The following RBFOX1 variants were observed in gnomAD, a reference collection of about 807,000 sequenced individuals.
RBFOX1 encodes the protein RNA binding protein fox-1 homolog 1.
A neutral mutation model predicts 57.7 loss-of-function variants in RBFOX1; 8 were observed. The observed-to-expected ratio is 0.14, with a 90% CI of 0.08 to 0.25. RBFOX1 has a LOEUF of 0.25. RBFOX1 is among the 10% of genes least tolerant of loss of function. The pLI is 1.00. For missense variants in RBFOX1, 611 were observed against 548.5 expected, an observed-to-expected ratio of 1.11 and a Z score of -1.14; for synonymous variants, 326 against 222.4, an observed-to-expected ratio of 1.47 and a Z score of -4.15.
At chr16:6,587,808 GA>G (rs2097651439) in intron 2 of RBFOX1, among the ~76,000 whole-genome samples, 1 of 152,164 alleles carries the variant, frequency 6.6e-6, no homozygotes, top group Non-Finnish European at 1.5e-5. Context: ...TTTCACCAAT[GA>G]TTAACATTTT....
At chr16:7,594,558 A>G (rs1026735750) in intron 7 of RBFOX1, among the ~76,000 whole-genome samples, 1 of 152,204 alleles carries the variant, frequency 6.6e-6, no homozygotes, top group African/African-American at 2.4e-5. Flanking sequence ...ACGGATTTTG[A>G]CAATATAGTT....
intron 3 of RBFOX1, among the ~76,000 whole-genome samples, chr16:7,043,801 T>G (rs947633987): frequency 3.9e-5 from 6 of 152,220 alleles, no homozygotes; most frequent in Non-Finnish European, 8.8e-5. Flanking sequence ...CCTCTTGCAC[T>G]TGACTCTTGT....
At chr16:7,217,968 GTC>G (rs1165913113) in intron 4 of RBFOX1, among the ~76,000 whole-genome samples, 2 of 151,586 alleles carry the variant, frequency 1.3e-5, no homozygotes, top group African/African-American at 2.4e-5. Context: ...GTGTACCTGT[GTC>G]TGCGTGTGTG....
intron 4 of RBFOX1, among the ~76,000 whole-genome samples, chr16:7,191,618 G>A (rs929793514): frequency 2.0e-5 from 3 of 152,208 alleles, no homozygotes; most frequent in African/African-American, 7.2e-5. Context: ...TAAGCAAGTA[G>A]ATTAGATTTG....
chr16:6,163,963 G>A (rs2096897795), intron 1 of RBFOX1, among the ~76,000 whole-genome samples: 1 of 152,180 alleles, frequency 6.6e-6, no homozygotes, highest in Non-Finnish European at 1.5e-5. Flanking sequence ...ATATAGTAAG[G>A]TGGTTATAAT....
At chr16:7,406,475 G>A (rs529646544) in intron 4 of RBFOX1, among the ~76,000 whole-genome samples, 6 of 152,314 alleles carry the variant, frequency 3.9e-5, no homozygotes, top group African/African-American at 1.4e-4. Flanking sequence ...AGGGTGGATG[G>A]ATGTGGGTTT....
intron 4 of RBFOX1, among the ~76,000 whole-genome samples, chr16:7,404,028 C>CTTTTATTTCCTTTTATTTTATTTTA (rs1555853056): frequency 7.7e-6 from 1 of 129,964 alleles, no homozygotes; most frequent in Non-Finnish European, 1.6e-5. Flanking sequence ...ATTTCATTTC[C>CTTTTATTTCCTTTTATTTTATTTTA]TTTTATTTTA....
chr16:6,026,558 G>A (rs542840402), intron 1 of RBFOX1, among the ~76,000 whole-genome samples: 1 of 152,346 alleles, frequency 6.6e-6, no homozygotes, highest in Admixed American at 6.5e-5. Flanking sequence ...GAGGCAATGT[G>A]TGCAGTGGTT....
chr16:7,307,438 A>G (rs967580540), intron 4 of RBFOX1, among the ~76,000 whole-genome samples: 3 of 152,374 alleles, frequency 2.0e-5, no homozygotes, highest in African/African-American at 2.4e-5. Flanking sequence ...AAGTGGCAAC[A>G]TATCACTTTT....
rs137856121 is a variant in RBFOX1, at chr16:6,999,296, G to A, written c.-15-52761G>A. 7.2e-3 allele frequency among the ~76,000 whole-genome samples: 1,062 copies of A among 148,426 alleles called. 12 individuals are homozygous for A. Among genetic ancestry groups the A allele is most frequent in the African/African-American group, 0.025 (992 of 39,998 alleles). On this transcript the variant is annotated intron_variant, in intron 3 of 15. Coordinates refer to ENST00000550418, the MANE Select transcript of RBFOX1 (RefSeq NM_018723.4). ...GGTCCTGAACTCCTGGGTTCAAGCGGTCCACCTGCCTCGGCCTCCAAAAGT... is the reference window on the plus strand; with the variant it reads ...GGTCCTGAACTCCTGGGTTCAAGCGATCCACCTGCCTCGGCCTCCAAAAGT...
chr16:6,750,682 T>G (rs772786100), intron 3 of RBFOX1, among the ~76,000 whole-genome samples: 1 of 152,214 alleles, frequency 6.6e-6, no homozygotes, highest in Non-Finnish European at 1.5e-5. Context: ...ATTGATTCAT[T>G]CATTCATGCA....
intron 2 of RBFOX1, among the ~76,000 whole-genome samples, chr16:6,532,222 C>A (rs1343454646): frequency 6.6e-6 from 1 of 152,104 alleles, no homozygotes; most frequent in East Asian, 1.9e-4. Flanking sequence ...AGGCAAAGTA[C>A]CCAATGTATG....
intron 2 of RBFOX1, among the ~76,000 whole-genome samples, chr16:6,574,461 C>T (rs2097395283): frequency 2.3e-5 from 3 of 130,802 alleles, no homozygotes; most frequent in Admixed American, 9.0e-5. Context: ...CTGAGTCTTG[C>T]TCTGTCGCTC....
At chr16:5,998,964 C>T (rs1049554606) in intron 4 of RBFOX1, among the ~76,000 whole-genome samples, 2 of 152,056 alleles carry the variant, frequency 1.3e-5, no homozygotes, top group African/African-American at 2.4e-5. Context: ...CTGCATTTCC[C>T]AGTCCAAAAA....
chr16:6,639,717 A>G lies in RBFOX1; in HGVS notation c.-63-14886A>G, dbSNP rs1602343958. Reference sequence around the variant, plus strand: ...TGATGAAACCCTGTCTCTACTAAAAATACAAAACCAAATTAGTTGGTCAAG... The same window carrying G: ...TGATGAAACCCTGTCTCTACTAAAAGTACAAAACCAAATTAGTTGGTCAAG... On this transcript the variant is annotated intron_variant, in intron 2 of 15. Transcript: ENST00000550418. Among the ~76,000 whole-genome samples, 3 of 152,234 alleles carry G rather than the reference A, an allele frequency of 2.0e-5. No individual in the cohort carries two copies. In the South Asian group the frequency reaches 6.2e-4, roughly 32 times the overall value.
chr16:5,974,882 C>T lies in RBFOX1; in HGVS notation c.351+107547C>T, dbSNP rs563313369. ...AATTAGCCGGGCATGGTGGCACATGCCTATTACCCTGGCTACTCAGGAGGC... is the reference window on the plus strand; with the variant it reads ...AATTAGCCGGGCATGGTGGCACATGTCTATTACCCTGGCTACTCAGGAGGC... On this transcript the variant is annotated intron_variant, in intron 4 of 19. Coordinates refer to the RBFOX1 transcript ENST00000641259. Among the ~76,000 whole-genome samples the T allele has an allele frequency of 2.0e-5, 3 of 152,056 alleles. No individual in the cohort carries two copies. In the South Asian group the frequency reaches 6.2e-4, roughly 32 times the overall value.
At chr16:7,099,998 C>A (rs373832182) in intron 4 of RBFOX1, among the ~76,000 whole-genome samples, 1 of 151,900 alleles carries the variant, frequency 6.6e-6, no homozygotes, top group Non-Finnish European at 1.5e-5. Context: ...TGGTCTGAAC[C>A]AGTCTTTCAG....
chr16:5,960,360 G>T (rs2059724008), intron 4 of RBFOX1, among the ~76,000 whole-genome samples: 1 of 152,168 alleles, frequency 6.6e-6, no homozygotes, highest in African/African-American at 2.4e-5. Flanking sequence ...CGGATACGGA[G>T]TGGAAGAAGG....
intron 4 of RBFOX1, among the ~76,000 whole-genome samples, chr16:5,920,082 C>T (rs556063235): frequency 1.8e-4 from 28 of 152,246 alleles, no homozygotes; most frequent in Admixed American, 4.6e-4. Flanking sequence ...TACAGGCGCC[C>T]GCCACCACAC....
Sources: allele counts gnomAD v4.1 joint callset (sites outside exome capture counted in the v4.1 genomes callset), GRCh38; gene constraint gnomAD v4.1.1; transcripts MANE v1.5; gene names NCBI Gene and HGNC (gene_info 2026-07-23, HGNC 2026-07-21).